The following FTCDNL1 variants were observed in gnomAD, a reference collection of about 807,000 sequenced individuals.
The protein encoded by FTCDNL1 is formiminotransferase cyclodeaminase N-terminal like.
Under a neutral mutation model 5.9 loss-of-function variants are expected in FTCDNL1, and 11 were observed. The ratio of observed to expected loss-of-function variants is 1.87; its 90% CI spans 1.18 to 3.10. The LOEUF (loss-of-function observed/expected upper bound fraction) is 3.10, where lower values mean the gene tolerates loss of function less well. FTCDNL1 is among the 30% of genes most tolerant of loss of function. FTCDNL1 has a pLI of 0.00. For synonymous variants in FTCDNL1, 58 were observed against 24.8 expected, an observed-to-expected ratio of 2.34 and a Z score of -3.99; for missense variants, 115 against 65.5, an observed-to-expected ratio of 1.76 and a Z score of -2.61.
intron 4 of FTCDNL1, among the ~76,000 whole-genome samples, chr2:199,816,995 G>C (rs1701386852): frequency 6.6e-6 from 1 of 152,184 alleles, no homozygotes; most frequent in Non-Finnish European, 1.5e-5. Context: ...CTTAATATCT[G>C]TTTCATTAAC....
chr2:199,707,203 T>C, the FTCDNL1 span, among the ~76,000 whole-genome samples: 6 of 152,250 alleles, frequency 3.9e-5, no homozygotes, highest in Non-Finnish European at 7.3e-5. Context: ...AGAGTTGGAA[T>C]GTCCTCCCCA....
At chr2:199,701,433 A>C in the FTCDNL1 span, among the ~76,000 whole-genome samples, 1 of 151,696 alleles carries the variant, frequency 6.6e-6, no homozygotes, top group Non-Finnish European at 1.5e-5. Context: ...TCAGCCACTA[A>C]CTACCATTAG....
chr2:199,771,829 T>A (rs1042274399), intron 3 of FTCDNL1, among the ~76,000 whole-genome samples: 16 of 152,118 alleles, frequency 1.1e-4, no homozygotes, highest in African/African-American at 3.9e-4. Flanking sequence ...ATATACTACT[T>A]CCCCCCTTAT....
chr2:199,685,348 A>C, the FTCDNL1 span, among the ~76,000 whole-genome samples: 462 of 152,274 alleles, frequency 3.0e-3, 5 homozygotes, highest in African/African-American at 0.011. Flanking sequence ...AGTGGGCCTT[A>C]GAGTGGATAA....
chr2:199,831,830 G>A (rs931061085), intron 3 of FTCDNL1, among the ~76,000 whole-genome samples: 1 of 152,114 alleles, frequency 6.6e-6, no homozygotes, highest in Admixed American at 6.6e-5. Context: ...AAATGGTTGT[G>A]AGGATTCTTT....
chr2:199,681,397 A>G, the FTCDNL1 span, among the ~76,000 whole-genome samples: 2 of 152,186 alleles, frequency 1.3e-5, no homozygotes, highest in African/African-American at 4.8e-5. Flanking sequence ...CGGAGGTTGC[A>G]GTGAGCCAAG....
chr2:199,688,586 G>A, the FTCDNL1 span, among the ~76,000 whole-genome samples: 2 of 152,132 alleles, frequency 1.3e-5, no homozygotes, highest in Non-Finnish European at 2.9e-5. Context: ...AGTGGACAAG[G>A]CTGTTCCCAG....
the FTCDNL1 span, among the ~76,000 whole-genome samples, chr2:199,752,829 A>G: frequency 7.9e-5 from 12 of 151,350 alleles, no homozygotes; most frequent in African/African-American, 2.7e-4. Context: ...AGATATATAG[A>G]TAGAGAGAGA....
chr2:199,672,337 A>G, the FTCDNL1 span, among the ~76,000 whole-genome samples: 5 of 152,226 alleles, frequency 3.3e-5, no homozygotes, highest in Non-Finnish European at 7.3e-5. Context: ...AAAATTTAGA[A>G]GCATATAAAT....
At chr2:199,808,103 G>A (rs1047137381), downstream of FTCDNL1, among the ~76,000 whole-genome samples, 2 of 152,170 alleles carry the variant, frequency 1.3e-5, no homozygotes, top group Non-Finnish European at 1.5e-5. Flanking sequence ...CTGGCCATGT[G>A]ACATAACTGC....
Position 199,811,195 on chromosome 2 carries a change from CCAAT to C in FTCDNL1, c.*1506_*1509del, listed in dbSNP as rs1701016797. ...CATCTCTCTCTCATCATCTCATGTCCCAATCACTTACCCTAAATATCTTTAAGAA... is the reference window on the plus strand; with the variant it reads ...CATCTCTCTCTCATCATCTCATGTCCCACTTACCCTAAATATCTTTAAGAA... On this transcript the variant is annotated 3_prime_UTR_variant, in exon 5 of 5. Transcript: ENST00000420128. Among the ~76,000 whole-genome samples, 1 of 152,112 alleles carries C rather than the reference CCAAT, an allele frequency of 6.6e-6. No individual in the cohort carries two copies. Among genetic ancestry groups the C allele is most frequent in the East Asian group, 1.9e-4 (1 of 5,198 alleles).
At chr2:199,740,789 GTGGCAGTCC>G in the FTCDNL1 span, among the ~76,000 whole-genome samples, 1 of 152,210 alleles carries the variant, frequency 6.6e-6, no homozygotes, top group African/African-American at 2.4e-5. Context: ...CGAAAGGGAG[GTGGCAGTCC>G]TGGGGAGAGC....
the FTCDNL1 span, among the ~76,000 whole-genome samples, chr2:199,710,370 A>G: frequency 3.0e-4 from 46 of 152,228 alleles, no homozygotes; most frequent in African/African-American, 1.0e-3. Flanking sequence ...GTTCAGTGTT[A>G]ATGAATCAAC....
At chr2:199,748,720 G>A in the FTCDNL1 span, among the ~76,000 whole-genome samples, 1 of 152,160 alleles carries the variant, frequency 6.6e-6, no homozygotes, top group African/African-American at 2.4e-5. Context: ...CATTACCAAG[G>A]AAGGTAGTCA....
chr2:199,775,282 A>G (rs922481189), intron 3 of FTCDNL1, among the ~76,000 whole-genome samples: 7 of 152,214 alleles, frequency 4.6e-5, no homozygotes, highest in African/African-American at 1.7e-4. Context: ...CAGTAATATT[A>G]AGCAGAAGGA....
the FTCDNL1 span, among the ~76,000 whole-genome samples, chr2:199,705,365 T>C: frequency 1.3e-5 from 2 of 152,190 alleles, no homozygotes; most frequent in Non-Finnish European, 1.5e-5. Context: ...ATAAATTTCA[T>C]CATTTTTATC....
chr2:199,848,426 T>C (rs1390752460), intron 2 of FTCDNL1, among the ~76,000 whole-genome samples: 1 of 152,230 alleles, frequency 6.6e-6, no homozygotes, highest in East Asian at 1.9e-4. Context: ...GTAGTTGGTA[T>C]TTGGCAAGTT....
At chr2:199,741,358 C>A in the FTCDNL1 span, among the ~76,000 whole-genome samples, 4 of 152,092 alleles carry the variant, frequency 2.6e-5, no homozygotes, top group African/African-American at 9.7e-5. Flanking sequence ...AACTGGGTAA[C>A]CAAAGAAGTC....
the FTCDNL1 span, among the ~76,000 whole-genome samples, chr2:199,741,225 A>G: frequency 1.3e-4 from 20 of 152,278 alleles, no homozygotes; most frequent in African/African-American, 4.8e-4. Flanking sequence ...GCCGTGAGCT[A>G]TGATCGCTCC....
Sources: gnomAD v4.1 joint callset for allele counts (sites outside exome capture counted in the v4.1 genomes callset) on GRCh38, gnomAD v4.1.1 for gene constraint, MANE v1.5 for transcripts, NCBI Gene and HGNC (gene_info 2026-07-23, HGNC 2026-07-21) for gene names.